Variants in SPATA6 observed in about 807,000 individuals in gnomAD.
SPATA6 encodes spermatogenesis-associated protein 6.
Under a neutral mutation model 65.3 loss-of-function variants are expected in SPATA6, and 56 were observed. That is an observed-to-expected ratio of 0.86 (90% CI 0.69 to 1.07). The LOEUF is 1.07. SPATA6 is among the 50% of genes least tolerant of loss of function. The pLI, the probability that SPATA6 is intolerant of heterozygous loss-of-function variation, is 0.00. For missense variants in SPATA6, 590 were observed against 594.8 expected, an observed-to-expected ratio of 0.99 and a Z score of 0.08; for synonymous variants, 199 against 213.2, an observed-to-expected ratio of 0.93 and a Z score of 0.58.
At chr1:48,428,626 T>C (rs1654066137) in intron 3 of SPATA6, among the ~76,000 whole-genome samples, 1 of 152,124 alleles carries the variant, frequency 6.6e-6, no homozygotes, top group African/African-American at 2.4e-5. Flanking sequence ...CATGAAGTTC[T>C]TCATCCTTGT....
At position 48,298,243 on chromosome 1, in the gene SPATA6, T is replaced by G. The variant is rs1210716601; in HGVS notation, c.*470A>C. 1 of 152,328 alleles carries G rather than the reference T, an allele frequency of 6.6e-6. No homozygotes were observed. The highest frequency in any genetic ancestry group is 1.5e-5 in the Non-Finnish European group (1 of 68,134). The allele number at this position is 152,328 out of a possible 1,614,324, so 9.4% of individuals were successfully genotyped here. ...AGAAAATGTTAGTGAAAACAGGGTTTAAACCCTTAGGAAATTCATTTCTGT... is the reference window on the plus strand; with the variant it reads ...AGAAAATGTTAGTGAAAACAGGGTTGAAACCCTTAGGAAATTCATTTCTGT... On this transcript the variant is annotated 3_prime_UTR_variant, in exon 13 of 13. Transcript: ENST00000371847.
chr1:48,397,199 T>A (rs1271608310), intron 7 of SPATA6, among the ~76,000 whole-genome samples: 1 of 151,610 alleles, frequency 6.6e-6, no homozygotes, highest in Non-Finnish European at 1.5e-5. Flanking sequence ...GCCAAGACTA[T>A]GGGAAGGAAG....
intron 6 of SPATA6, among the ~76,000 whole-genome samples, chr1:48,403,035 G>A (rs1456446779): frequency 6.6e-6 from 1 of 151,956 alleles, no homozygotes; most frequent in South Asian, 2.1e-4. Flanking sequence ...AGTTAGCCGC[G>A]TATTGTGGCA....
intron 11 of SPATA6, among the ~76,000 whole-genome samples, chr1:48,347,275 G>C (rs1347361880): frequency 6.6e-6 from 1 of 151,676 alleles, no homozygotes; most frequent in African/African-American, 2.4e-5. Flanking sequence ...GCAGAAGGCT[G>C]AAAGTGGGGG....
chr1:48,447,418 C>T (rs1451640035), intron 3 of SPATA6, among the ~76,000 whole-genome samples: 2 of 152,158 alleles, frequency 1.3e-5, no homozygotes, highest in South Asian at 2.1e-4. Flanking sequence ...ACTCAGGAGG[C>T]TGAGGCAGGA....
At chr1:48,342,216 T>C (rs991096048) in intron 11 of SPATA6, among the ~76,000 whole-genome samples, 1 of 152,126 alleles carries the variant, frequency 6.6e-6, no homozygotes, top group Non-Finnish European at 1.5e-5. Flanking sequence ...AATGAGTATA[T>C]CCATACTGCA....
At chr1:48,330,990 T>C (rs1028209169) in intron 11 of SPATA6, among the ~76,000 whole-genome samples, 2 of 152,078 alleles carry the variant, frequency 1.3e-5, no homozygotes, top group African/African-American at 4.8e-5. Context: ...GACCCAGTAG[T>C]AGACTAGAAT....
intron 3 of SPATA6, among the ~76,000 whole-genome samples, chr1:48,448,260 CAAA>C (rs56675907): frequency 7.5e-5 from 9 of 119,690 alleles, no homozygotes; most frequent in Admixed American, 8.5e-5. Flanking sequence ...GATCCTGTCT[CAAA>C]AAAAAAAAAA....
intron 3 of SPATA6, among the ~76,000 whole-genome samples, chr1:48,422,183 C>G (rs1653408868): frequency 6.6e-6 from 1 of 152,104 alleles, no homozygotes; most frequent in African/African-American, 2.4e-5. Context: ...ACAATTTACA[C>G]AAAGCAGACC....
intron 7 of SPATA6, 35 bp downstream of exon 7, chr1:48,399,316 C>A: frequency 6.4e-7 from 1 of 1,568,524 alleles, no homozygotes; most frequent in South Asian, 1.2e-5. Flanking sequence ...AAAAGCTGAT[C>A]AGTTTCAAAT....
At chr1:48,414,369 T>C (rs1448029157) in intron 3 of SPATA6, among the ~76,000 whole-genome samples, 1 of 152,196 alleles carries the variant, frequency 6.6e-6, no homozygotes, top group African/African-American at 2.4e-5. Context: ...AAATTCTTTT[T>C]TCTACAGCCT....
At chr1:48,351,477 C>T (rs1221119953) in intron 11 of SPATA6, among the ~76,000 whole-genome samples, 2 of 152,012 alleles carry the variant, frequency 1.3e-5, no homozygotes, top group Non-Finnish European at 2.9e-5. Flanking sequence ...AGGAAGTTCA[C>T]TTCTACTCCC....
intron 3 of SPATA6, among the ~76,000 whole-genome samples, chr1:48,439,866 T>G (rs528343256): frequency 2.6e-4 from 39 of 152,260 alleles, no homozygotes; most frequent in Non-Finnish European, 4.3e-4. Flanking sequence ...ATTCTCTGTC[T>G]GATGGGGAAA....
In SPATA6 at chr1:48,296,899, G is replaced by A. The variant is rs569089256; in HGVS notation, c.*1814C>T. On this transcript the variant is annotated 3_prime_UTR_variant, in exon 13 of 13. Coordinates refer to ENST00000371847, the MANE Select transcript of SPATA6 (RefSeq NM_019073.4). ...AGTTTAGAAAATTCTGGGTTAATTC[G>A]ATAAATATTTAAGGAACATCAATTA... 1.6e-4 allele frequency: 24 copies of A among 152,072 alleles called. No individual in the cohort carries two copies. The highest frequency in any genetic ancestry group is 2.4e-4 in the African/African-American group (10 of 41,488). The allele number at this position is 152,072 out of a possible 1,614,324, so 9.4% of individuals were successfully genotyped here.
At chr1:48,392,344 G>C (rs1287558395) in intron 8 of SPATA6, among the ~76,000 whole-genome samples, 1 of 151,974 alleles carries the variant, frequency 6.6e-6, no homozygotes, top group African/African-American at 2.4e-5. Flanking sequence ...AGGCCAGGAT[G>C]GATGTACTTG....
At chr1:48,433,937 C>T (rs1326052603) in intron 3 of SPATA6, among the ~76,000 whole-genome samples, 1 of 151,966 alleles carries the variant, frequency 6.6e-6, no homozygotes, top group Non-Finnish European at 1.5e-5. Flanking sequence ...ATTTTAGCTC[C>T]CTATAGGGAA....
At position 48,359,787 on chromosome 1, in the gene SPATA6, A is replaced by C; in HGVS notation, c.910-17T>G. On this transcript the variant is annotated splice_polypyrimidine_tract_variant and intron_variant, in intron 9 of 12. Transcript: ENST00000371847. ...CCTGATAACCTGTTTTAAAAATTATATACATATAGATATACAAATACAGAT... is the reference window on the plus strand; with the variant it reads ...CCTGATAACCTGTTTTAAAAATTATCTACATATAGATATACAAATACAGAT... 6.4e-7 allele frequency: 1 copy of C among 1,551,236 alleles called. No individual in the cohort carries two copies. The highest frequency in any genetic ancestry group is 8.7e-7 in the Non-Finnish European group (1 of 1,143,844).
At chr1:48,295,024 C>A (rs1171332935), downstream of SPATA6, among the ~76,000 whole-genome samples, 1 of 152,140 alleles carries the variant, frequency 6.6e-6, no homozygotes, top group East Asian at 1.9e-4. Context: ...TTTAAAGATA[C>A]ATTTTTATAT....
chr1:48,317,819 AAG>A (rs1251536897), intron 11 of SPATA6, among the ~76,000 whole-genome samples: 6 of 152,236 alleles, frequency 3.9e-5, no homozygotes, highest in African/African-American at 1.4e-4. Flanking sequence ...CTCATTCTAT[AAG>A]GTCTTTATTC....
Sources: allele counts gnomAD v4.1 joint callset (sites outside exome capture counted in the v4.1 genomes callset), GRCh38; gene constraint gnomAD v4.1.1; transcripts MANE v1.5; gene names NCBI Gene and HGNC (gene_info 2026-07-23, HGNC 2026-07-21).